The following LATS1 variants were observed in gnomAD, a reference collection of about 807,000 sequenced individuals.
The protein encoded by LATS1 is large tumor suppressor kinase 1, also known as serine/threonine-protein kinase LATS1.
LATS1 carries 25 observed loss-of-function variants against 106.6 expected under a neutral mutation model. That is an observed-to-expected ratio of 0.23 (90% CI 0.17 to 0.33). LATS1 has a LOEUF of 0.33. Among genes scored for constraint, LATS1 ranks in the 10% least tolerant of loss-of-function variants. LATS1 has a pLI of 1.00. For synonymous variants in LATS1, 465 were observed against 455.6 expected (o/e 1.02, Z -0.26); for missense variants, 1,040 against 1,382.6 (o/e 0.75, Z 3.93).
intron 7 of LATS1, among the ~76,000 whole-genome samples, chr6:149,673,713 G>A (rs557532414): frequency 4.9e-5 from 7 of 144,208 alleles, no homozygotes; most frequent in African/African-American, 1.3e-4. Flanking sequence ...TCACTCTGTC[G>A]CCCAGGCTGG....
At chr6:149,709,189 C>T (rs1783953345) in intron 1 of LATS1, among the ~76,000 whole-genome samples, 1 of 152,148 alleles carries the variant, frequency 6.6e-6, no homozygotes, top group Admixed American at 6.6e-5. Context: ...CGGAGTTTGG[C>T]CATACCTCAT....
rs1181213999 is a variant in LATS1, at chr6:149,683,163, A to G, written c.1926T>C (p.Phe642=). The G allele has an allele frequency of 1.9e-6, 3 of 1,613,634 alleles. No homozygotes were observed. The highest frequency in any genetic ancestry group is 1.1e-5 in the South Asian group (1 of 91,064). ...GTACATTTTCTACATGTTGCTCCAT[A>G]AAGAATTTAAATGCTTGAGGAGAAT... ...QSYSPQAFKF[F]MEQHVENVLK... Residue 642 remains phenylalanine (F), a synonymous_variant, in exon 4 of 8, where the codon TTT becomes TTC. Coordinates refer to ENST00000543571, the MANE Select transcript of LATS1 (RefSeq NM_004690.4).
At chr6:149,664,265 A>C (rs145044178) in intron 7 of LATS1, among the ~76,000 whole-genome samples, 1 of 152,296 alleles carries the variant, frequency 6.6e-6, no homozygotes, top group East Asian at 1.9e-4. Flanking sequence ...GAATAAAAGA[A>C]AGAATAAAGC....
At chr6:149,686,451 CT>C (rs779061780) in intron 3 of LATS1, among the ~76,000 whole-genome samples, 3 of 152,120 alleles carry the variant, frequency 2.0e-5, no homozygotes, top group Non-Finnish European at 2.9e-5. Context: ...TCTCCATGTT[CT>C]TCCACTTCCC....
chr6:149,683,209 C>T lies in LATS1; in HGVS notation c.1880G>A (p.Arg627Lys), dbSNP rs970337024. ...AGAATAACTTTGAATACGAGATTCCCTTCGCTCTTCATCTTTCTTGTTTTT... is the reference window on the plus strand; with the variant it reads ...AGAATAACTTTGAATACGAGATTCCTTTCGCTCTTCATCTTTCTTGTTTTT... ...VRKNKKDEER[R>K]ESRIQSYSPQ... The change falls in exon 4 of 8, where the codon AGG becomes AAG. Residue 627 changes from arginine (R) to lysine (K), a missense_variant. This residue lies in a region of LATS1 where 167 missense variants were observed against 332.1 expected (regional missense o/e 0.50). Coordinates refer to ENST00000543571, the MANE Select transcript of LATS1 (RefSeq NM_004690.4). 1 of 1,613,916 alleles carries T rather than the reference C, an allele frequency of 6.2e-7. No homozygotes were observed. The highest frequency in any genetic ancestry group is 1.3e-5 in the African/African-American group (1 of 74,894).
chr6:149,678,989 C>T (rs1022319619), intron 5 of LATS1, among the ~76,000 whole-genome samples: 9 of 151,818 alleles, frequency 5.9e-5, no homozygotes, highest in African/African-American at 2.2e-4. Context: ...ATGGAGGAAC[C>T]TCAAACAAGT....
At position 149,696,405 on chromosome 6, in the gene LATS1, C is replaced by T. The variant is rs548930401; in HGVS notation, c.349-1184G>A. 3.3e-5 allele frequency among the ~76,000 whole-genome samples: 5 copies of T among 149,914 alleles called. No individual in the cohort carries two copies. In the East Asian group the frequency reaches 1.0e-3, roughly 30 times the overall value. On this transcript the variant is annotated intron_variant, in intron 2 of 7. Coordinates refer to ENST00000543571, the MANE Select transcript of LATS1 (RefSeq NM_004690.4). ...CCAACATGGTAAAACCCCATCTCTA[C>T]TAAAAATATAAAATTGTCTGGGTGT...
chr6:149,684,645 ATT>A (rs1470748994), intron 3 of LATS1, 53 bp from the exon 4 acceptor site: 1 of 1,348,904 alleles, frequency 7.4e-7, no homozygotes, highest in Non-Finnish European at 1.0e-6. Flanking sequence ...TTAACCTCTA[ATT>A]TTTGAAAACC....
chr6:149,699,362 G>A (rs935019640), intron 2 of LATS1, among the ~76,000 whole-genome samples: 2 of 152,120 alleles, frequency 1.3e-5, no homozygotes, highest in African/African-American at 4.8e-5. Flanking sequence ...GGGAAGTGAA[G>A]AGCGCCTCTG....
intron 7 of LATS1, among the ~76,000 whole-genome samples, chr6:149,664,385 C>A (rs1236930062): frequency 6.6e-6 from 1 of 152,036 alleles, no homozygotes; most frequent in Non-Finnish European, 1.5e-5. Flanking sequence ...CAGAGAATTT[C>A]CCCAAATCGA....
chr6:149,672,698 C>A (rs935499834), intron 7 of LATS1, among the ~76,000 whole-genome samples: 1 of 151,906 alleles, frequency 6.6e-6, no homozygotes, highest in Non-Finnish European at 1.5e-5. Context: ...GTAATCCCAG[C>A]ACTTTGGGAG....
At position 149,680,140 on chromosome 6, in the gene LATS1, G is replaced by T. The variant is rs1480945466; in HGVS notation, c.2328C>A (p.Asp776Glu). Reference sequence around the variant, plus strand: ...TGTAGTCCATTACAAAGTATAAATTGTCCTTATCTTGGAATGAATAATATA... The same window carrying T: ...TGTAGTCCATTACAAAGTATAAATTTTCCTTATCTTGGAATGAATAATATA... The part of the protein sequence containing the change: ...VRLYYSFQDK[D>E]NLYFVMDYIP... Residue 776 changes from aspartate to glutamate, a missense_variant, in exon 5 of 8, where the codon GAC (aspartate) becomes GAA (glutamate). Asp to Glu is a conservative substitution (Grantham distance 45, BLOSUM62 2). Transcript: ENST00000543571. The T allele has an allele frequency of 1.2e-6, 2 of 1,613,714 alleles. No individual in the cohort carries two copies. Among genetic ancestry groups the T allele is most frequent in the African/African-American group, 2.7e-5 (2 of 74,902 alleles).
At chr6:149,686,334 C>T (rs1403969256) in intron 3 of LATS1, among the ~76,000 whole-genome samples, 1 of 152,196 alleles carries the variant, frequency 6.6e-6, no homozygotes, top group East Asian at 1.9e-4. Context: ...GGCCATCAGG[C>T]TCTTTCTCAC....
chr6:149,682,706 G>A (rs557939156), intron 4 of LATS1, among the ~76,000 whole-genome samples: 265 of 152,102 alleles, frequency 1.7e-3, no homozygotes, highest in Non-Finnish European at 2.8e-3. Context: ...GAGCCCCCAT[G>A]CCCCAGCCTG....
At chr6:149,694,494 G>C (rs1382916450) in intron 3 of LATS1, among the ~76,000 whole-genome samples, 1 of 152,082 alleles carries the variant, frequency 6.6e-6, no homozygotes, top group Admixed American at 6.6e-5. Flanking sequence ...ATTTTAATGT[G>C]GCTAGTAAAA....
In LATS1 at chr6:149,659,219, G is replaced by A. The variant is rs1780802670; in HGVS notation, c.*2510C>T. On this transcript the variant is annotated 3_prime_UTR_variant, in exon 8 of 8. Coordinates refer to ENST00000543571, the MANE Select transcript of LATS1 (RefSeq NM_004690.4). ...GCGGTGGGTCACGTCTGTAATCCCA[G>A]CACTTTGGGAGGCTGAGGTGGGCAT... 1 of 179,140 alleles carries A rather than the reference G, an allele frequency of 5.6e-6. No homozygotes were observed. The highest frequency in any genetic ancestry group is 9.3e-5 in the East Asian group (1 of 10,780). 11.1% of individuals were successfully genotyped at this position (179,140 alleles called of 1,614,324 possible). A position where few individuals can be genotyped will look rare whatever the true frequency, so the allele number is the denominator to read the frequency against.
intron 1 of LATS1, among the ~76,000 whole-genome samples, chr6:149,704,878 AATT>A (rs1287574288): frequency 8.2e-6 from 1 of 122,174 alleles, no homozygotes; most frequent in African/African-American, 3.1e-5. Context: ...TATTTATAGA[AATT>A]AATTATACAC....
chr6:149,674,224 GC>G (rs1272872698), intron 7 of LATS1, among the ~76,000 whole-genome samples: 1 of 151,276 alleles, frequency 6.6e-6, no homozygotes, highest in Non-Finnish European at 1.5e-5. Context: ...ACAGGGGCGC[GC>G]CACCACACCC....
At chr6:149,676,226 T>G in intron 7 of LATS1, 34 bp downstream of exon 7, 56 of 1,372,958 alleles carry the variant, frequency 4.1e-5, no homozygotes, top group Non-Finnish European at 5.2e-5. Flanking sequence ...AGCAACTTTG[T>G]GAGAATTCTT....
Sources: gnomAD v4.1 joint callset for allele counts (sites outside exome capture counted in the v4.1 genomes callset) on GRCh38, gnomAD v4.1.1 for gene constraint, gnomAD v4.1.1 regional missense constraint, MANE v1.5 for transcripts, NCBI Gene and HGNC (gene_info 2026-07-23, HGNC 2026-07-21) for gene names.